Variants in DLGAP1 observed in about 807,000 individuals in gnomAD.
DLGAP1 encodes the protein DLG associated protein 1, also known as disks large-associated protein 1.
Under a neutral mutation model 90.8 loss-of-function variants are expected in DLGAP1, and 11 were observed. The ratio of observed to expected loss-of-function variants is 0.12; its 90% CI spans 0.08 to 0.20. The LOEUF is 0.20. DLGAP1 is among the 10% of genes least tolerant of loss of function. The pLI is 1.00. For synonymous variants in DLGAP1, 558 were observed against 540.7 expected (o/e 1.03, Z -0.44); for missense variants, 1,050 against 1,333.8 (o/e 0.79, Z 3.31).
At position 3,863,866 on chromosome 18, in the gene DLGAP1, C is replaced by T. The variant is rs189028545; in HGVS notation, c.957+15246G>A. The stretch of plus-strand genomic sequence containing the variant: ...ATACCATTGGTTCCCCTGAGAAATG[C>T]TGCCCAGAGGTTAAATTCCTTTGGC... On this transcript the variant is annotated intron_variant, in intron 4 of 12. Coordinates refer to ENST00000315677, the MANE Select transcript of DLGAP1 (RefSeq NM_004746.4). Among the ~76,000 whole-genome samples, 5 of 152,364 alleles carry T rather than the reference C, an allele frequency of 3.3e-5. No individual in the cohort carries two copies. In the East Asian group the frequency reaches 7.7e-4, roughly 24 times the overall value.
At chr18:4,220,678 C>T (rs1465429768) in intron 1 of DLGAP1, among the ~76,000 whole-genome samples, 1 of 152,110 alleles carries the variant, frequency 6.6e-6, no homozygotes, top group African/African-American at 2.4e-5. Flanking sequence ...CTACTTCACA[C>T]AAGAAGAAGC....
intron 3 of DLGAP1, among the ~76,000 whole-genome samples, chr18:3,881,402 C>T (rs917484214): frequency 6.6e-6 from 1 of 152,162 alleles, no homozygotes; most frequent in Non-Finnish European, 1.5e-5. Flanking sequence ...TCTGCTGGCT[C>T]TCCTAGCAGA....
At chr18:3,806,834 C>T (rs1327891041) in intron 5 of DLGAP1, among the ~76,000 whole-genome samples, 3 of 152,188 alleles carry the variant, frequency 2.0e-5, no homozygotes, top group Non-Finnish European at 4.4e-5. Context: ...TGTCTTAGGG[C>T]TTTGTTTACA....
At chr18:3,573,541 A>G (rs1364256051) in intron 8 of DLGAP1, among the ~76,000 whole-genome samples, 1 of 152,146 alleles carries the variant, frequency 6.6e-6, no homozygotes, top group East Asian at 1.9e-4. Context: ...GTAATATTAC[A>G]TGCTTTAAAT....
chr18:3,551,674 T>TTCTC (rs1568180021), intron 9 of DLGAP1, among the ~76,000 whole-genome samples: 1 of 57,792 alleles, frequency 1.7e-5, no homozygotes, highest in Non-Finnish European at 3.9e-5. Flanking sequence ...CCTTCTTTCT[T>TTCTC]TTCCCTCCCC....
intron 1 of DLGAP1, among the ~76,000 whole-genome samples, chr18:4,295,668 G>A (rs1361714402): frequency 1.3e-5 from 2 of 152,164 alleles, no homozygotes; most frequent in East Asian, 1.9e-4. Context: ...TGCAACCTGA[G>A]ACAAATCACA....
At chr18:3,546,342 G>C (rs147455170) in intron 9 of DLGAP1, among the ~76,000 whole-genome samples, 4 of 151,760 alleles carry the variant, frequency 2.6e-5, no homozygotes, top group East Asian at 3.9e-4. Flanking sequence ...TGAGACCAGG[G>C]AGGAAGAGGT....
intron 7 of DLGAP1, among the ~76,000 whole-genome samples, chr18:3,699,147 A>T (rs113753517): frequency 6.6e-6 from 1 of 151,984 alleles, no homozygotes; most frequent in African/African-American, 2.4e-5. Context: ...ACTTCCATCA[A>T]TTCGTCAAAC....
At chr18:3,746,678 T>C (rs948809061) in intron 5 of DLGAP1, among the ~76,000 whole-genome samples, 3 of 152,094 alleles carry the variant, frequency 2.0e-5, no homozygotes, top group African/African-American at 4.8e-5. Context: ...AATAAATATA[T>C]AAATTCACAG....
At chr18:4,391,731 C>T (rs775596996) in intron 1 of DLGAP1, among the ~76,000 whole-genome samples, 1 of 152,126 alleles carries the variant, frequency 6.6e-6, no homozygotes, top group Non-Finnish European at 1.5e-5. Flanking sequence ...CAGATCTACA[C>T]CCTTTGTTAA....
At chr18:3,724,904 C>G (rs1485738489) in intron 7 of DLGAP1, among the ~76,000 whole-genome samples, 1 of 132,216 alleles carries the variant, frequency 7.6e-6, no homozygotes, top group Admixed American at 7.3e-5. Context: ...AACTCTGTCT[C>G]AAAAAAAAAA....
At chr18:4,267,783 C>T (rs1223220556) in intron 1 of DLGAP1, among the ~76,000 whole-genome samples, 1 of 152,180 alleles carries the variant, frequency 6.6e-6, no homozygotes, top group Non-Finnish European at 1.5e-5. Context: ...TCCACTTCTA[C>T]AAGCTGTTGA....
chr18:4,202,714 T>C (rs1316629344), intron 1 of DLGAP1, among the ~76,000 whole-genome samples: 1 of 152,150 alleles, frequency 6.6e-6, no homozygotes, highest in Non-Finnish European at 1.5e-5. Flanking sequence ...TCAATCTACA[T>C]GGATTCAGGA....
chr18:4,357,175 T>TG (rs2081539002), intron 1 of DLGAP1, among the ~76,000 whole-genome samples: 1 of 135,598 alleles, frequency 7.4e-6, no homozygotes, highest in East Asian at 2.0e-4. Flanking sequence ...TTTTTTTTTT[T>TG]GACAGGCTCA....
At chr18:3,802,608 C>CT (rs927031345) in intron 5 of DLGAP1, among the ~76,000 whole-genome samples, 1 of 151,958 alleles carries the variant, frequency 6.6e-6, no homozygotes, top group Non-Finnish European at 1.5e-5. Flanking sequence ...ATTAGTTTTT[C>CT]TTTTTTTTGG....
intron 2 of DLGAP1, among the ~76,000 whole-genome samples, chr18:4,063,455 C>A (rs1035765674): frequency 2.6e-5 from 4 of 152,028 alleles, no homozygotes; most frequent in Non-Finnish European, 5.9e-5. Context: ...TATTTTACCC[C>A]AAAATATATT....
intron 1 of DLGAP1, among the ~76,000 whole-genome samples, chr18:4,161,561 C>T (rs910148538): frequency 6.6e-6 from 1 of 152,070 alleles, no homozygotes; most frequent in Non-Finnish European, 1.5e-5. Flanking sequence ...CATAAGTTTT[C>T]CCTGTTCTTA....
At chr18:3,741,306 A>C (rs2063019971) in intron 6 of DLGAP1, among the ~76,000 whole-genome samples, 1 of 77,112 alleles carries the variant, frequency 1.3e-5, no homozygotes, top group Admixed American at 1.3e-4. Flanking sequence ...CCACCACATC[A>C]CATCACCACC....
chr18:3,598,364 T>G (rs1415426770), intron 7 of DLGAP1: 2 of 151,378 alleles, frequency 1.3e-5, no homozygotes, highest in Admixed American at 6.6e-5. Flanking sequence ...AAAAAAAAAA[T>G]TCTGTCTCAT....
Sources: gnomAD v4.1 joint callset for allele counts (sites outside exome capture counted in the v4.1 genomes callset) on GRCh38, gnomAD v4.1.1 for gene constraint, MANE v1.5 for transcripts, NCBI Gene and HGNC (gene_info 2026-07-23, HGNC 2026-07-21) for gene names.